The following PLEKHG4 variants were observed in gnomAD, a reference collection of about 807,000 sequenced individuals.
The protein encoded by PLEKHG4 is pleckstrin homology and RhoGEF domain containing G4.
Under a neutral mutation model 136.9 loss-of-function variants are expected in PLEKHG4, and 85 were observed. That is an observed-to-expected ratio of 0.62 (90% CI 0.52 to 0.74). PLEKHG4 has a LOEUF of 0.74. PLEKHG4 is among the 30% of genes least tolerant of loss of function. The pLI is 0.00. For synonymous variants in PLEKHG4, 577 were observed against 646.9 expected (o/e 0.89, Z 1.64); for missense variants, 1,317 against 1,527.8 (o/e 0.86, Z 2.30).
chr16:67,282,611 A>G lies in PLEKHG4; in HGVS notation c.1362A>G (p.Thr454=). Residue 454 remains threonine (T), a synonymous_variant, in exon 10 of 22, where the codon ACA becomes ACG. Transcript: ENST00000379344. Reference sequence around the variant, plus strand: ...TACAGGCCCTAGAGTTGGTCCAAACACTGGAGGCCCGGGAAAGCGGACTGC... The same window carrying G: ...TACAGGCCCTAGAGTTGGTCCAAACGCTGGAGGCCCGGGAAAGCGGACTGC... ...QRIQALELVQ[T]LEARESGLHQ... The G allele has an allele frequency of 6.2e-7, 1 of 1,613,976 alleles. No individual in the cohort carries two copies.
rs1477483276 is a variant in PLEKHG4, at chr16:67,286,192, C to T, written c.2443-82C>T. On this transcript the variant is annotated intron_variant, in intron 14 of 21. Transcript: ENST00000379344. ...AGGCATCTACTGGCATTTTGGTCCT[C>T]TCAAGCTGAGGGTGGTCTAGCCTGT... 1.0e-5 allele frequency: 10 copies of T among 1,004,362 alleles called. No individual in the cohort carries two copies. In the East Asian group the frequency reaches 1.9e-4, roughly 19 times the overall value. The allele number at this position is 1,004,362 out of a possible 1,614,324, so 62.2% of individuals were successfully genotyped here.
intron 21 of PLEKHG4, 98 bp from the exon 22 acceptor site, chr16:67,288,705 G>A: frequency 6.3e-7 from 1 of 1,598,316 alleles, no homozygotes; most frequent in Non-Finnish European, 8.6e-7. Flanking sequence ...CCTTTACTTT[G>A]GGTAGAGCTT....
intron 11 of PLEKHG4, among the ~76,000 whole-genome samples, chr16:67,283,999 T>G (rs2036342509): frequency 6.7e-6 from 1 of 150,112 alleles, no homozygotes; most frequent in Non-Finnish European, 1.5e-5. Context: ...AGAGTTGGAG[T>G]CAGTGAGGCC....
Position 67,280,898 on chromosome 16 carries a change from A to G in PLEKHG4, c.612A>G (p.Gln204=), listed in dbSNP as rs770455111. The G allele has an allele frequency of 8.1e-6, 13 of 1,612,812 alleles. No homozygotes were observed. Among genetic ancestry groups the G allele is most frequent in the Non-Finnish European group, 1.1e-5 (13 of 1,180,026 alleles). Residue 204 remains glutamine (Q), a synonymous_variant, in exon 4 of 22, where the codon CAA becomes CAG. Transcript: ENST00000379344. The surrounding 1 kb of genome is among the most constrained non-coding windows in gnomAD (Gnocchi z 4.4). The part of the protein sequence containing the change: ...MATLPGTRDV[Q]GRAVLLLCAH... ...TCCCCACAGGGACTCGGGATGTCCA[A>G]GGCCGGGCAGTGCTGCTTCTGTGTG...
At position 67,285,300 on chromosome 16, in the gene PLEKHG4, G is replaced by T. The variant is rs1440545480; in HGVS notation, c.2206G>T (p.Val736Leu). ...DPRSLNRLQL[V>L]LAEMVATERE... is the part of the protein sequence containing the mutation. ...CCCCATACCTGGTAGGCTACAGCTG[G>T]TGCTGGCAGAGATGGTGGCCACGGA... The change falls in exon 14 of 22, where the codon GTG becomes TTG. Residue 736 changes from valine to leucine, a missense_variant. Coordinates refer to ENST00000379344, the MANE Select transcript of PLEKHG4 (RefSeq NM_001129729.3). The T allele has an allele frequency of 5.6e-6, 9 of 1,613,976 alleles. No homozygotes were observed. Among genetic ancestry groups the T allele is most frequent in the Non-Finnish European group, 7.6e-6 (9 of 1,180,046 alleles).
chr16:67,288,783 T>TGCCTG lies in PLEKHG4; in HGVS notation c.3571-11_3571-7dup. The TGCCTG allele has an allele frequency of 6.2e-7, 1 of 1,613,754 alleles. No homozygotes were observed. The highest frequency in any genetic ancestry group is 8.5e-7 in the Non-Finnish European group (1 of 1,179,862). On this transcript the variant is annotated intron_variant, in intron 21 of 21. Transcript: ENST00000379344. ...CCAGAGTCAGGGAAGCAGGCATTCA[T>TGCCTG]GCCTGGCCTGGCCCTGCAGGTCTGA...
rs1286089049 is a variant in PLEKHG4, at chr16:67,282,192, C to T, written c.1105-9C>T. The T allele has an allele frequency of 6.2e-7, 1 of 1,613,594 alleles. No individual in the cohort carries two copies. The highest frequency in any genetic ancestry group is 2.2e-5 in the East Asian group (1 of 44,886). ...GGCCACCTCCACAGCTTATTGCCCTCAATCACAGGAGGTCGGTCAGCTGCT... is the reference window on the plus strand; with the variant it reads ...GGCCACCTCCACAGCTTATTGCCCTTAATCACAGGAGGTCGGTCAGCTGCT... On this transcript the variant is annotated splice_polypyrimidine_tract_variant and intron_variant, in intron 8 of 21. Coordinates refer to ENST00000379344, the MANE Select transcript of PLEKHG4 (RefSeq NM_001129729.3).
Position 67,289,031 on chromosome 16 carries a change from A to G in PLEKHG4, c.*223A>G, listed in dbSNP as rs1277288617. 6.2e-6 allele frequency: 4 copies of G among 645,840 alleles called. No homozygotes were observed. Among genetic ancestry groups the G allele is most frequent in the Non-Finnish European group, 1.1e-5 (4 of 354,442 alleles). 40.0% of individuals were successfully genotyped at this position (645,840 alleles called of 1,614,324 possible). On this transcript the variant is annotated 3_prime_UTR_variant, in exon 22 of 22. Coordinates refer to ENST00000379344, the MANE Select transcript of PLEKHG4 (RefSeq NM_001129729.3). ...AGAGCCTGAATAGGCTCCTGGCCCC[A>G]TGACCCCTTCTCCTGTCCCCAGCTC...
rs758867350 is a variant in PLEKHG4 at position 67,281,627 on chromosome 16, G to A, written c.874G>A (p.Val292Met). The change falls in exon 6 of 22, where the codon GTG becomes ATG. Residue 292 changes from valine to methionine, a missense_variant. Val to Met is a conservative substitution (Grantham distance 21). Coordinates refer to ENST00000379344, the MANE Select transcript of PLEKHG4 (RefSeq NM_001129729.3). ...LLVGSTLLKE[V>M]PSGLQLEQLP... ...AGTGGGAAGCACGCTGCTGAAGGAAGTGCCTTCCGGGCTGCAGGTACTAAG... is the reference window on the plus strand; with the variant it reads ...AGTGGGAAGCACGCTGCTGAAGGAAATGCCTTCCGGGCTGCAGGTACTAAG... 4 of 1,614,066 alleles carry A rather than the reference G, an allele frequency of 2.5e-6. No homozygotes were observed. Among genetic ancestry groups the A allele is most frequent in the Non-Finnish European group, 8.5e-7 (1 of 1,179,996 alleles).
Position 67,282,750 on chromosome 16 carries a change from G to C in PLEKHG4, c.1401G>C (p.Val467=). 1 of 1,613,608 alleles carries C rather than the reference G, an allele frequency of 6.2e-7. No individual in the cohort carries two copies. The highest frequency in any genetic ancestry group is 8.5e-7 in the Non-Finnish European group (1 of 1,180,006). ...TGCTTGTGCTCCTCCAGATTGAAGT[G>C]TGGCTGCAGCAGGTGGGCTGGCCAG... ...ARESGLHQIE[V]WLQQVGWPAL... The change falls in exon 11 of 22, where the codon GTG becomes GTC. Residue 467 remains valine, a synonymous_variant. Transcript: ENST00000379344.
In PLEKHG4 at chr16:67,279,965, C is replaced by G; in HGVS notation, c.-80C>G. The G allele has an allele frequency of 6.9e-7, 1 of 1,449,190 alleles. No individual in the cohort carries two copies. The highest frequency in any genetic ancestry group is 2.0e-5 in the Admixed American group (1 of 49,048). 89.8% of individuals were successfully genotyped at this position (1,449,190 alleles called of 1,614,324 possible). A position where few individuals can be genotyped will look rare whatever the true frequency, so the allele number is the denominator to read the frequency against. ...CCTGCATTGCCCACTGAGTCCCACT[C>G]GACTGTCTTCAGCGCGGTTCACACT... is the stretch of plus-strand genomic sequence containing the variant. On this transcript the variant is annotated 5_prime_UTR_variant, in exon 2 of 22. Transcript: ENST00000379344.
rs139750686 is a variant in PLEKHG4 at position 67,282,800 on chromosome 16, C to G, written c.1451C>G (p.Ser484Trp). The change falls in exon 11 of 22, where the codon TCG (serine) becomes TGG (tryptophan). Residue 484 changes from serine to tryptophan, a missense_variant. Transcript: ENST00000379344. ...WPALEEAGEP[S>W]LDMLLQAQGS... Reference sequence around the variant, plus strand: ...GCACTGGAGGAGGCTGGGGAGCCCTCGCTGGACATGCTGCTCCAGGCCCAA... The same window carrying G: ...GCACTGGAGGAGGCTGGGGAGCCCTGGCTGGACATGCTGCTCCAGGCCCAA... The G allele has an allele frequency of 1.9e-6, 3 of 1,613,318 alleles. No homozygotes were observed. Among genetic ancestry groups the G allele is most frequent in the East Asian group, 4.5e-5 (2 of 44,884 alleles).
chr16:67,286,887 G>T lies in PLEKHG4; in HGVS notation c.2893G>T (p.Val965Phe), dbSNP rs1037047409. The change falls in exon 17 of 22, where the codon GTT (valine) becomes TTT (phenylalanine). Residue 965 changes from valine (V) to phenylalanine (F), a missense_variant. Physicochemically the swap from Val to Phe is conservative, Grantham distance 50. Transcript: ENST00000379344. The part of the protein sequence containing the change: ...FSKPRHGPTG[V>F]DTFAYKRSFK... ...CAAGCCTCGCCATGGGCCCACAGGGGTTGACACATTTGCCTACAAGCGCTC... is the reference window on the plus strand; with the variant it reads ...CAAGCCTCGCCATGGGCCCACAGGGTTTGACACATTTGCCTACAAGCGCTC... 2 of 1,613,912 alleles carry T rather than the reference G, an allele frequency of 1.2e-6. No individual in the cohort carries two copies. Among genetic ancestry groups the T allele is most frequent in the African/African-American group, 2.7e-5 (2 of 74,954 alleles).
chr16:67,281,488 A>C, intron 5 of PLEKHG4, 79 bp from the exon 6 acceptor site: 1 of 1,221,708 alleles, frequency 8.2e-7, no homozygotes, highest in Non-Finnish European at 1.2e-6. Context: ...CGCCTCCCAG[A>C]GTGCCGCAAT....
At chr16:67,283,935 G>A (rs2036339584) in intron 11 of PLEKHG4, among the ~76,000 whole-genome samples, 1 of 152,092 alleles carries the variant, frequency 6.6e-6, no homozygotes, top group Non-Finnish European at 1.5e-5. Context: ...AGGAGAATCA[G>A]GAGCGTGGGG....
Position 67,284,639 on chromosome 16 carries a change from TGGGTAGAGGA to T in PLEKHG4, c.1693-72_1693-63del. 6.4e-7 allele frequency: 1 copy of T among 1,564,126 alleles called. No homozygotes were observed. The highest frequency in any genetic ancestry group is 8.7e-7 in the Non-Finnish European group (1 of 1,146,452). ...GACAGCATCCTGTGGGGATGGGGAG[TGGGTAGAGGA>T]GCAGAGTGCCCAGCAGGCTTGGCAG... On this transcript the variant is annotated intron_variant, in intron 12 of 21. Transcript: ENST00000379344. The surrounding 1 kb of genome is among the most constrained non-coding windows in gnomAD (Gnocchi z 4.4).
Position 67,281,473 on chromosome 16 carries a change from C to T in PLEKHG4, c.814-94C>T, listed in dbSNP as rs141734208. On this transcript the variant is annotated intron_variant, in intron 5 of 21. Transcript: ENST00000379344. ...AACTCCTGAACTCAGGTGATCCTCC[C>T]GCCTCGCCTCCCAGAGTGCCGCAAT... 2.8e-5 allele frequency: 29 copies of T among 1,039,656 alleles called. 1 individual carries two copies. Among genetic ancestry groups the T allele is most frequent in the African/African-American group, 2.0e-4 (13 of 63,866 alleles). 64.4% of individuals were successfully genotyped at this position (1,039,656 alleles called of 1,614,324 possible).
intron 20 of PLEKHG4, 42 bp downstream of exon 20, chr16:67,288,442 G>A: frequency 6.2e-7 from 1 of 1,613,550 alleles, no homozygotes; most frequent in Non-Finnish European, 8.5e-7. Context: ...CATGGCTTGG[G>A]GTCTGGGGCT....
rs1431747498 is a variant in PLEKHG4 at position 67,281,631 on chromosome 16, C to T, written c.878C>T (p.Pro293Leu). 7 of 1,614,054 alleles carry T rather than the reference C, an allele frequency of 4.3e-6. No homozygotes were observed. Among genetic ancestry groups the T allele is most frequent in the African/African-American group, 1.3e-5 (1 of 75,054 alleles). Residue 293 changes from proline (P) to leucine (L), a missense_variant, in exon 6 of 22, where the codon CCT becomes CTT. Physicochemically the swap from Pro to Leu is moderately conservative, Grantham distance 98. Transcript: ENST00000379344. ...LVGSTLLKEV[P>L]SGLQLEQLPS... ...GGAAGCACGCTGCTGAAGGAAGTGCCTTCCGGGCTGCAGGTACTAAGCCCA... is the reference window on the plus strand; with the variant it reads ...GGAAGCACGCTGCTGAAGGAAGTGCTTTCCGGGCTGCAGGTACTAAGCCCA...
Sources: gnomAD v4.1 joint callset for allele counts (sites outside exome capture counted in the v4.1 genomes callset) on GRCh38, gnomAD v4.1.1 for gene constraint, Gnocchi (gnomAD v3.1) non-coding constraint, MANE v1.5 for transcripts, NCBI Gene and HGNC (gene_info 2026-07-23, HGNC 2026-07-21) for gene names.